The following TUBA3C variants were observed in gnomAD, a reference collection of about 807,000 sequenced individuals.
TUBA3C encodes the protein tubulin alpha-3C chain.
TUBA3C carries 23 observed loss-of-function variants against 33.4 expected under a neutral mutation model. That is an observed-to-expected ratio of 0.69 (90% confidence interval 0.50 to 0.98). The LOEUF (loss-of-function observed/expected upper bound fraction) is 0.98, where lower values mean the gene tolerates loss of function less well. Ranked by LOEUF, TUBA3C falls within the 50% of genes least tolerant of loss-of-function variation. The probability of loss-of-function intolerance (pLI) is 0.00; values close to 1 mark genes in which losing one functional copy is unlikely to be tolerated. For synonymous variants in TUBA3C, 269 were observed against 250.4 expected (o/e 1.07, Z -0.70); for missense variants, 402 against 616.0 (o/e 0.65, Z 3.68).
chr13:19,181,588 C>T (rs560581646), intron 1 of TUBA3C, among the ~76,000 whole-genome samples, 157 bp downstream of exon 1: 76 of 152,148 alleles, frequency 5.0e-4, no homozygotes, highest in Admixed American at 6.5e-4. Context: ...CAGACGATGC[C>T]GTGTCCTCGT....
Position 19,178,116 on chromosome 13 carries a change from G to A in TUBA3C, c.375+130C>T, listed in dbSNP as rs1593261627. 4.2e-6 allele frequency: 6 copies of A among 1,433,418 alleles called. No homozygotes were observed. The East Asian group carries it at 1.1e-4, about 27-fold the overall frequency. The allele number at this position is 1,433,418 out of a possible 1,614,324, so 88.8% of individuals were successfully genotyped here. On this transcript the variant is annotated intron_variant, in intron 3 of 4. Transcript: ENST00000400113. The stretch of plus-strand genomic sequence containing the variant: ...CCACCTTGGCCTCCCAAAGTGTTGG[G>A]ATTACAGGCGTGAGCCACCAGACCC...
At position 19,177,235 on chromosome 13, in the gene TUBA3C, C is replaced by T. The variant is rs766092603; in HGVS notation, c.748G>A (p.Val250Met). 6.2e-7 allele frequency: 1 copy of T among 1,614,158 alleles called. No individual in the cohort carries two copies. Among genetic ancestry groups the T allele is most frequent in the Non-Finnish European group, 8.5e-7 (1 of 1,180,034 alleles). The stretch of plus-strand genomic sequence containing the variant: ...TTGGTCTGGAATTCCGTCAAGTCCA[C>T]ATTCAGGGCCCCGTCAAATCGCAGG... ...ASLRFDGALN[V>M]DLTEFQTNLV... The change falls in exon 4 of 5, where the codon GTG becomes ATG. Residue 250 changes from valine to methionine, a missense_variant. Physicochemically the swap from Val to Met is conservative, Grantham distance 21 (BLOSUM62 1). Coordinates refer to ENST00000400113, the MANE Select transcript of TUBA3C (RefSeq NM_006001.3). The surrounding 1 kb of genome is among the most constrained non-coding windows in gnomAD (Gnocchi z 5.0).
At position 19,181,804 on chromosome 13, in the gene TUBA3C, C is replaced by G; in HGVS notation, c.-57G>C. The G allele has an allele frequency of 6.3e-7, 1 of 1,594,982 alleles. No homozygotes were observed. The highest frequency in any genetic ancestry group is 2.2e-5 in the East Asian group (1 of 44,740). On this transcript the variant is annotated 5_prime_UTR_variant, in exon 1 of 5. Transcript: ENST00000400113. ...TACTACTTGACCTCAACCGCCGCTG[C>G]AGCTGCGCACGCCCAACGACAGCCT...
At chr13:19,180,608 T>C (rs1424895467) in intron 1 of TUBA3C, among the ~76,000 whole-genome samples, 1 of 151,896 alleles carries the variant, frequency 6.6e-6, no homozygotes, top group African/African-American at 2.4e-5. Context: ...TTCAAGCAAT[T>C]CTCCTGCCTC....
chr13:19,176,749 A>AAAAAAAAAAC (rs1869194574), intron 4 of TUBA3C, among the ~76,000 whole-genome samples, 178 bp downstream of exon 4: 1 of 140,560 alleles, frequency 7.1e-6, no homozygotes, highest in Non-Finnish European at 1.5e-5. Flanking sequence ...AAAAAAAAAA[A>AAAAAAAAAAC]AAAAAAAAAA....
chr13:19,180,722 C>T (rs958719853), intron 1 of TUBA3C, among the ~76,000 whole-genome samples: 1 of 152,000 alleles, frequency 6.6e-6, no homozygotes, highest in Non-Finnish European at 1.5e-5. Flanking sequence ...GTCTCGATCT[C>T]CTGACCTTTT....
intron 4 of TUBA3C, 52 bp downstream of exon 4, chr13:19,176,875 T>C (rs374385486): frequency 6.3e-7 from 1 of 1,585,018 alleles, no homozygotes; most frequent in Non-Finnish European, 8.6e-7. Context: ...CATTACTCTG[T>C]GTGTCTGTTG....
At chr13:19,176,874 G>C in intron 4 of TUBA3C, 53 bp downstream of exon 4, 11 of 1,582,458 alleles carry the variant, frequency 7.0e-6, no homozygotes, top group Non-Finnish European at 9.5e-6. Context: ...GCATTACTCT[G>C]TGTGTCTGTT....
Position 19,176,725 on chromosome 13 carries a change from C to CAAAAAAAAAAAAAAAAAAAAAAAAA in TUBA3C, c.1056+177_1056+201dup, listed in dbSNP as rs55746544. On this transcript the variant is annotated intron_variant, in intron 4 of 4. Coordinates refer to ENST00000400113, the MANE Select transcript of TUBA3C (RefSeq NM_006001.3). ...TGGGCGACAAAGCTAGACTCTGCCTCAAAAAAAAAAAAAAAAAAAAAAAAA... is the reference window on the plus strand; with the variant it reads ...TGGGCGACAAAGCTAGACTCTGCCTCAAAAAAAAAAAAAAAAAAAAAAAAAAAAAAAAAAAAAAAAAAAAAAAAAA... Among the ~76,000 whole-genome samples the CAAAAAAAAAAAAAAAAAAAAAAAAA allele has an allele frequency of 5.8e-5, 2 of 34,606 alleles. 1 individual carries two copies. Among genetic ancestry groups the CAAAAAAAAAAAAAAAAAAAAAAAAA allele is most frequent in the Non-Finnish European group, 1.2e-4 (2 of 16,100 alleles). 22.7% of individuals were successfully genotyped at this position (34,606 alleles called of 152,430 possible). A position where few individuals can be genotyped will look rare whatever the true frequency, so the allele number is the denominator to read the frequency against.
Position 19,173,913 on chromosome 13 carries a change from C to G in TUBA3C, c.1303G>C (p.Val435Leu). ...LAALEKDYEE[V>L]GVDSVEAEAE... Reference sequence around the variant, plus strand: ...TCGGCTTCCACGGAATCCACGCCCACCTCTTCATAATCCTTCTCCAGAGCT... The same window carrying G: ...TCGGCTTCCACGGAATCCACGCCCAGCTCTTCATAATCCTTCTCCAGAGCT... The change falls in exon 5 of 5, where the codon GTG (valine) becomes CTG (leucine). Residue 435 changes from valine (V) to leucine (L), a missense_variant. Coordinates refer to ENST00000400113, the MANE Select transcript of TUBA3C (RefSeq NM_006001.3). The G allele has an allele frequency of 6.2e-7, 1 of 1,614,172 alleles. No individual in the cohort carries two copies. The highest frequency in any genetic ancestry group is 8.5e-7 in the Non-Finnish European group (1 of 1,180,038).
Position 19,174,126 on chromosome 13 carries a change from G to T in TUBA3C, c.1090C>A (p.Pro364Thr). 4 of 1,613,548 alleles carry T rather than the reference G, an allele frequency of 2.5e-6. No homozygotes were observed. Among genetic ancestry groups the T allele is most frequent in the Non-Finnish European group, 3.4e-6 (4 of 1,179,750 alleles). ...GINYQPPTVV[P>T]GGDLAKVQRA... ...TGCACCTTGGCCAGGTCTCCCCCAG[G>T]GACCACCGTGGGGGGCTGGTAGTTA... Residue 364 changes from proline (P) to threonine (T), a missense_variant, in exon 5 of 5, where the codon CCT becomes ACT. Coordinates refer to ENST00000400113, the MANE Select transcript of TUBA3C (RefSeq NM_006001.3).
In TUBA3C at chr13:19,174,120, C is replaced by T. The variant is rs754429286; in HGVS notation, c.1096G>A (p.Gly366Arg). Residue 366 changes from glycine to arginine, a missense_variant, in exon 5 of 5, where the codon GGA (glycine) becomes AGA (arginine). By Grantham distance (125) the Gly-to-Arg change is moderately radical. Coordinates refer to ENST00000400113, the MANE Select transcript of TUBA3C (RefSeq NM_006001.3). ...NYQPPTVVPG[G>R]DLAKVQRAVC... Reference sequence around the variant, plus strand: ...GCCCGCTGCACCTTGGCCAGGTCTCCCCCAGGGACCACCGTGGGGGGCTGG... The same window carrying T: ...GCCCGCTGCACCTTGGCCAGGTCTCTCCCAGGGACCACCGTGGGGGGCTGG... 1.2e-6 allele frequency: 2 copies of T among 1,613,712 alleles called. No individual in the cohort carries two copies. The highest frequency in any genetic ancestry group is 8.5e-7 in the Non-Finnish European group (1 of 1,179,840).
Position 19,178,387 on chromosome 13 carries a change from C to A in TUBA3C, c.234G>T (p.Val78=), listed in dbSNP as rs1158417177. ...AGAGCTGCCTATAGGTTCCTGTGCG[C>A]ACTTCATCTACAAAAGAGACCGTAT... ...VDLEPTVVDE[V]RTGTYRQLFH... is the part of the protein sequence containing the mutation. Residue 78 remains valine, a synonymous_variant, in exon 3 of 5, where the codon GTG becomes GTT. Coordinates refer to ENST00000400113, the MANE Select transcript of TUBA3C (RefSeq NM_006001.3). 6.2e-7 allele frequency: 1 copy of A among 1,613,826 alleles called. No homozygotes were observed. The highest frequency in any genetic ancestry group is 8.5e-7 in the Non-Finnish European group (1 of 1,179,834).
In TUBA3C at chr13:19,179,191, C is replaced by T. The variant is rs889497802; in HGVS notation, c.226+150G>A. The T allele has an allele frequency of 1.8e-5, 24 of 1,353,028 alleles. 1 individual carries two copies. The highest frequency in any genetic ancestry group is 5.6e-5 in the Admixed American group (2 of 35,538). The allele number at this position is 1,353,028 out of a possible 1,614,324, so 83.8% of individuals were successfully genotyped here. A position where few individuals can be genotyped will look rare whatever the true frequency, so the allele number is the denominator to read the frequency against. On this transcript the variant is annotated intron_variant, in intron 2 of 4. Coordinates refer to ENST00000400113, the MANE Select transcript of TUBA3C (RefSeq NM_006001.3). ...CCGAATCTCACAGACACTTTAATCA[C>T]GAACCTTTCAGTTTCTGTTAACACC...
In TUBA3C at chr13:19,177,846, G is replaced by GTT. The variant is rs5802006; in HGVS notation, c.376-241_376-240dup. Among the ~76,000 whole-genome samples, 113 of 128,508 alleles carry GTT rather than the reference G, an allele frequency of 8.8e-4. 2 individuals are homozygous for GTT. Among genetic ancestry groups the GTT allele is most frequent in the Middle Eastern group, 4.5e-3 (1 of 222 alleles). The allele number at this position is 128,508 out of a possible 152,430, so 84.3% of individuals were successfully genotyped here. On this transcript the variant is annotated intron_variant, in intron 3 of 4. Transcript: ENST00000400113. This position sits in a 1 kb window ranked among gnomAD's most constrained non-coding sequence, Gnocchi z 5.0. The stretch of plus-strand genomic sequence containing the variant: ...AGGACTCAAGATACTGTTCTAAGTT[G>GTT]TTTTTTTTTTTTTTTTTTTAGATAG...
In TUBA3C at chr13:19,181,780, A is replaced by T; in HGVS notation, c.-33T>A. ...TCCTCCGCTGCCGCAGCCCAACGCT[A>T]CTACTTGACCTCAACCGCCGCTGCA... On this transcript the variant is annotated 5_prime_UTR_variant, in exon 1 of 5. Transcript: ENST00000400113. 6.2e-7 allele frequency: 1 copy of T among 1,600,698 alleles called. No individual in the cohort carries two copies. Among genetic ancestry groups the T allele is most frequent in the Non-Finnish European group, 8.5e-7 (1 of 1,178,680 alleles).
rs758619547 is a variant in TUBA3C at position 19,178,258 on chromosome 13, C to T, written c.363G>A (p.Arg121=). 6.2e-7 allele frequency: 1 copy of T among 1,614,154 alleles called. No individual in the cohort carries two copies. The highest frequency in any genetic ancestry group is 1.1e-5 in the South Asian group (1 of 91,058). ...CTTCTCTTCTTACCAGTTTGCGGAT[C>T]CGGTCCAGGACCAGGTCGACGATCT... is the stretch of plus-strand genomic sequence containing the variant. ...GKEIVDLVLD[R]IRKLADLCTG... The change falls in exon 3 of 5, where the codon CGG becomes CGA. Residue 121 remains arginine, a synonymous_variant. Transcript: ENST00000400113.
At chr13:19,180,720 C>A (rs1033939629) in intron 1 of TUBA3C, among the ~76,000 whole-genome samples, 1 of 152,042 alleles carries the variant, frequency 6.6e-6, no homozygotes, top group Non-Finnish European at 1.5e-5. Flanking sequence ...TGGTCTCGAT[C>A]TCCTGACCTT....
At position 19,177,268 on chromosome 13, in the gene TUBA3C, T is replaced by C. The variant is rs754737619; in HGVS notation, c.715A>G (p.Thr239Ala). The C allele has an allele frequency of 3.7e-6, 6 of 1,613,814 alleles. No individual in the cohort carries two copies. In the African/African-American group the frequency reaches 6.7e-5, roughly 18 times the overall value. The part of the protein sequence containing the change: ...RLIGQIVSSI[T>A]ASLRFDGALN... ...GCCCCGTCAAATCGCAGGGAGGCCG[T>C]GATGGAGGACACGATCTGCCCAATC... Residue 239 changes from threonine to alanine, a missense_variant, in exon 4 of 5, where the codon ACG becomes GCG. By Grantham distance (58) the Thr-to-Ala change is moderately conservative. Transcript: ENST00000400113. The surrounding 1 kb of genome is among the most constrained non-coding windows in gnomAD (Gnocchi z 5.0).
Sources: gnomAD v4.1 joint callset for allele counts (sites outside exome capture counted in the v4.1 genomes callset) on GRCh38, gnomAD v4.1.1 for gene constraint, Gnocchi (gnomAD v3.1) non-coding constraint, MANE v1.5 for transcripts, NCBI Gene and HGNC (gene_info 2026-07-23, HGNC 2026-07-21) for gene names.